The following SEMA4D variants were observed in gnomAD, a reference collection of about 807,000 sequenced individuals.
SEMA4D encodes the protein semaphorin-4D.
Under a neutral mutation model 74.8 loss-of-function variants are expected in SEMA4D, and 22 were observed. That is an observed-to-expected ratio of 0.29 (90% CI 0.21 to 0.42). The LOEUF is 0.42. Ranked by LOEUF, SEMA4D falls within the 10% of genes least tolerant of loss-of-function variation. SEMA4D has a pLI of 1.00. For synonymous variants in SEMA4D, 445 were observed against 463.7 expected, an observed-to-expected ratio of 0.96 and a Z score of 0.52; for missense variants, 937 against 1,118.4, an observed-to-expected ratio of 0.84 and a Z score of 2.31.
intron 1 of SEMA4D, among the ~76,000 whole-genome samples, chr9:89,461,696 T>TCTC (rs1554781776): frequency 9.9e-6 from 1 of 100,928 alleles, no homozygotes; most frequent in Non-Finnish European, 2.1e-5. Context: ...TATTTCTTTT[T>TCTC]TCTCTTTTTT....
intron 1 of SEMA4D, among the ~76,000 whole-genome samples, chr9:89,465,238 G>A (rs1053027187): frequency 5.9e-5 from 9 of 152,090 alleles, no homozygotes; most frequent in Admixed American, 4.6e-4. Context: ...TGCATCCCGC[G>A]GAGAACAGAC....
At chr9:89,485,546 T>C (rs2136224904) in intron 1 of SEMA4D, among the ~76,000 whole-genome samples, 1 of 152,172 alleles carries the variant, frequency 6.6e-6, no homozygotes, top group East Asian at 1.9e-4. Flanking sequence ...CCTAGCACTT[T>C]GGGAGGCCAA....
At chr9:89,450,586 A>G (rs145821207) in intron 2 of SEMA4D, 11,345 of 908,894 alleles carry the variant, frequency 0.012, 109 homozygotes, top group Middle Eastern at 0.041. Flanking sequence ...CCTGACCTCT[A>G]TAAGTCTGAG....
chr9:89,376,959 G>C (rs1325909606), downstream of SEMA4D: 1 of 1,550,636 alleles, frequency 6.4e-7, no homozygotes, highest in Admixed American at 2.0e-5. Flanking sequence ...GCTGGCCAGG[G>C]GGTCCAGGGA....
At chr9:89,363,520 G>A (rs941372713) in exon 18 of SEMA4D, 2 of 1,613,886 alleles carry the variant, frequency 1.2e-6, no homozygotes, top group Admixed American at 3.3e-5. Flanking sequence ...TCTCCTGGTG[G>A]GTCACTTCTG....
intron 2 of SEMA4D, chr9:89,418,493 T>G: frequency 4.6e-6 from 4 of 871,916 alleles, no homozygotes; most frequent in Non-Finnish European, 5.5e-6. Context: ...ATGTATCCTT[T>G]AAAATTCATC....
chr9:89,416,594 A>C (rs914137863), intron 2 of SEMA4D, among the ~76,000 whole-genome samples: 9 of 152,168 alleles, frequency 5.9e-5, no homozygotes, highest in Non-Finnish European at 4.4e-5. Context: ...ACACTCCTAC[A>C]CACAGGGACA....
chr9:89,370,427 G>GTT (rs1311813722), intron 16 of SEMA4D, among the ~76,000 whole-genome samples: 2 of 150,480 alleles, frequency 1.3e-5, no homozygotes, highest in East Asian at 2.0e-4. Context: ...TTTGTGGTGT[G>GTT]TGGCTGGTGT....
intron 2 of SEMA4D, among the ~76,000 whole-genome samples, chr9:89,444,851 A>T (rs550511328): frequency 7.6e-4 from 115 of 152,246 alleles, no homozygotes; most frequent in African/African-American, 2.7e-3. Context: ...GGCAAAGAAA[A>T]GAATTAGGAA....
At chr9:89,401,011 G>A (rs1842101964) in intron 4 of SEMA4D, among the ~76,000 whole-genome samples, 1 of 152,204 alleles carries the variant, frequency 6.6e-6, no homozygotes, top group Non-Finnish European at 1.5e-5. Context: ...AGTGAGGTGA[G>A]ACCACCACAT....
intron 2 of SEMA4D, among the ~76,000 whole-genome samples, chr9:89,446,649 G>GCCGCTTC (rs1457377526): frequency 4.6e-5 from 7 of 152,190 alleles, no homozygotes; most frequent in African/African-American, 7.2e-5. Context: ...CAAAGGATCA[G>GCCGCTTC]CCGCTTCCCA....
At chr9:89,398,443 C>T (rs1841475371) in intron 5 of SEMA4D, among the ~76,000 whole-genome samples, 1 of 152,176 alleles carries the variant, frequency 6.6e-6, no homozygotes, top group African/African-American at 2.4e-5. Context: ...CAACACTAAA[C>T]AAAATTCTCT....
intron 1 of SEMA4D, among the ~76,000 whole-genome samples, chr9:89,465,062 G>C (rs992360821): frequency 3.9e-5 from 6 of 152,160 alleles, no homozygotes; most frequent in African/African-American, 1.2e-4. Flanking sequence ...CAACCTGTCA[G>C]GGGCAAAGAG....
chr9:89,378,254 TG>T lies in SEMA4D; in HGVS notation c.*449del, dbSNP rs1836181891. 1.9e-5 allele frequency: 3 copies of T among 156,536 alleles called. No homozygotes were observed. Among genetic ancestry groups the T allele is most frequent in the African/African-American group, 7.2e-5 (3 of 41,500 alleles). The allele number at this position is 156,536 out of a possible 1,614,324, so 9.7% of individuals were successfully genotyped here. Reference sequence around the variant, plus strand: ...ATAATTAAGTGGAAGAAAAGGTTCGTGCCAATCTGGACAACAGGCGATAAGT... The same window carrying T: ...ATAATTAAGTGGAAGAAAAGGTTCGTCCAATCTGGACAACAGGCGATAAGT... On this transcript the variant is annotated 3_prime_UTR_variant, in exon 16 of 16. Coordinates refer to ENST00000422704, the MANE Select transcript of SEMA4D (RefSeq NM_001371194.2).
At chr9:89,365,159 C>T (rs1833426672) in intron 16 of SEMA4D, 1 of 152,378 alleles carries the variant, frequency 6.6e-6, no homozygotes, top group Non-Finnish European at 1.5e-5. Context: ...AGGGGGGCCA[C>T]AGTCCCACTA....
intron 2 of SEMA4D, among the ~76,000 whole-genome samples, chr9:89,413,947 C>T (rs1845117729): frequency 6.6e-6 from 1 of 152,216 alleles, no homozygotes; most frequent in African/African-American, 2.4e-5. Context: ...TGTTGCAGAA[C>T]ATACATTCTG....
chr9:89,394,458 C>T (rs1418067808), intron 6 of SEMA4D, among the ~76,000 whole-genome samples: 1 of 152,216 alleles, frequency 6.6e-6, no homozygotes, highest in Non-Finnish European at 1.5e-5. Context: ...CAAAATCCAG[C>T]AAGTGACAGA....
rs1846120087 is a variant in SEMA4D at position 89,418,210 on chromosome 9, AATT to A, written c.-243-12514_-243-12512del. On this transcript the variant is annotated intron_variant, in intron 2 of 15. Coordinates refer to ENST00000422704, the MANE Select transcript of SEMA4D (RefSeq NM_001371194.2). ...CACTCCTAGAAAGGCACTGAAAACAAATTATTGTGAGTTTAAACCTTCTAGACT... is the reference window on the plus strand; with the variant it reads ...CACTCCTAGAAAGGCACTGAAAACAAATTGTGAGTTTAAACCTTCTAGACT... 4 of 749,344 alleles carry A rather than the reference AATT, an allele frequency of 5.3e-6. No homozygotes were observed. In the South Asian group the frequency reaches 2.4e-4, roughly 45 times the overall value. The allele number at this position is 749,344 out of a possible 1,614,324, so 46.4% of individuals were successfully genotyped here. A position where few individuals can be genotyped will look rare whatever the true frequency, so the allele number is the denominator to read the frequency against.
At chr9:89,465,456 T>G (rs985946990) in intron 1 of SEMA4D, among the ~76,000 whole-genome samples, 1 of 145,420 alleles carries the variant, frequency 6.9e-6, no homozygotes, top group Non-Finnish European at 1.6e-5. Flanking sequence ...AGACATGGAG[T>G]TGGCTGGGGG....
Sources: allele counts gnomAD v4.1 joint callset (sites outside exome capture counted in the v4.1 genomes callset), GRCh38; gene constraint gnomAD v4.1.1; transcripts MANE v1.5; gene names NCBI Gene and HGNC (gene_info 2026-07-23, HGNC 2026-07-21).